The following TGFA variants were observed in gnomAD, a reference collection of about 807,000 sequenced individuals.
The protein encoded by TGFA is protransforming growth factor alpha.
In TGFA, 12 loss-of-function variants were observed where a neutral mutation model predicts 21.7. That is an observed-to-expected ratio of 0.55 (90% confidence interval 0.35 to 0.90). TGFA has a LOEUF of 0.90. TGFA is among the 40% of genes least tolerant of loss of function. The probability of loss-of-function intolerance (pLI) is 0.01; values close to 1 mark genes in which losing one functional copy is unlikely to be tolerated. For missense variants in TGFA, 178 were observed against 210.8 expected (o/e 0.84, Z 0.96); for synonymous variants, 79 against 88.1 (o/e 0.90, Z 0.58).
chr2:70,550,605 G>C (rs1052800506), intron 1 of TGFA, among the ~76,000 whole-genome samples: 1 of 152,040 alleles, frequency 6.6e-6, no homozygotes, highest in African/African-American at 2.4e-5. Flanking sequence ...TGGATCACGC[G>C]GTCAGGAGAT....
intron 3 of TGFA, among the ~76,000 whole-genome samples, chr2:70,461,863 T>C (rs1670413709): frequency 6.6e-6 from 1 of 152,250 alleles, no homozygotes; most frequent in Admixed American, 6.5e-5. Flanking sequence ...AGCATAAATA[T>C]GTAAGGCTAG....
intron 4 of TGFA, among the ~76,000 whole-genome samples, chr2:70,455,275 G>T (rs148836948): frequency 2.4e-4 from 36 of 152,336 alleles, no homozygotes; most frequent in Non-Finnish European, 4.3e-4. Flanking sequence ...GCTCTAACGG[G>T]TGCCTCACTG....
At chr2:70,483,688 T>C (rs780116070) in intron 2 of TGFA, among the ~76,000 whole-genome samples, 7 of 152,236 alleles carry the variant, frequency 4.6e-5, no homozygotes, top group Non-Finnish European at 1.0e-4. Context: ...CTCCCAAAGA[T>C]AGCCTCAGAA....
chr2:70,536,998 C>CTT (rs35098749), intron 1 of TGFA, among the ~76,000 whole-genome samples: 16,095 of 136,690 alleles, frequency 0.12, 1,209 homozygotes, highest in South Asian at 0.28. Context: ...TTTTCTTTTT[C>CTT]TTTTTTTTTT....
chr2:70,537,435 A>C (rs962642856), intron 1 of TGFA, among the ~76,000 whole-genome samples: 1 of 152,246 alleles, frequency 6.6e-6, no homozygotes, highest in Non-Finnish European at 1.5e-5. Context: ...TTGTAAGCAG[A>C]AATAGGCCAA....
intron 2 of TGFA, among the ~76,000 whole-genome samples, chr2:70,505,734 A>G (rs534427915): frequency 1.6e-4 from 24 of 152,320 alleles, no homozygotes; most frequent in African/African-American, 4.6e-4. Context: ...CATTGTGAAT[A>G]GAACTGAGGC....
chr2:70,470,698 T>A (rs1318049264), intron 2 of TGFA, among the ~76,000 whole-genome samples: 2 of 152,194 alleles, frequency 1.3e-5, no homozygotes, highest in Non-Finnish European at 2.9e-5. Context: ...GTGGTCTCGC[T>A]CTGTGTATTC....
At chr2:70,514,796 A>C in intron 2 of TGFA, 63 bp downstream of exon 2, 7 of 1,566,956 alleles carry the variant, frequency 4.5e-6, no homozygotes, top group Non-Finnish European at 6.1e-6. Flanking sequence ...TTGAGGAGCC[A>C]CACAGCAGCA....
intron 2 of TGFA, among the ~76,000 whole-genome samples, chr2:70,480,127 T>G (rs1671068422): frequency 6.6e-6 from 1 of 152,226 alleles, no homozygotes; most frequent in Admixed American, 6.5e-5. Flanking sequence ...GAAATCTATT[T>G]GGTAGAAGCA....
chr2:70,526,430 CT>C (rs782726989), intron 1 of TGFA, among the ~76,000 whole-genome samples: 3 of 152,216 alleles, frequency 2.0e-5, no homozygotes, highest in African/African-American at 7.2e-5. Context: ...CCTAATGTAT[CT>C]CCCTCAGGTC....
At chr2:70,536,075 T>C (rs147786483) in intron 1 of TGFA, among the ~76,000 whole-genome samples, 377 of 152,330 alleles carry the variant, frequency 2.5e-3, no homozygotes, top group East Asian at 0.014. Context: ...AACTTCTCAT[T>C]CACAAGTACT....
intron 2 of TGFA, among the ~76,000 whole-genome samples, chr2:70,486,907 A>C (rs1028055816): frequency 1.3e-4 from 19 of 151,946 alleles, no homozygotes; most frequent in African/African-American, 4.6e-4. Flanking sequence ...GGGACTACAG[A>C]AGCCCGCCAC....
chr2:70,508,061 A>G (rs1671982637), intron 2 of TGFA, among the ~76,000 whole-genome samples: 1 of 152,244 alleles, frequency 6.6e-6, no homozygotes, highest in Non-Finnish European at 1.5e-5. Flanking sequence ...ATACCTGTGC[A>G]TAAGAAAAGA....
intron 1 of TGFA, among the ~76,000 whole-genome samples, chr2:70,540,190 G>A (rs762387500): frequency 2.0e-5 from 3 of 152,212 alleles, no homozygotes; most frequent in African/African-American, 7.2e-5. Flanking sequence ...TAGGTAGGAG[G>A]GAAGTCAAGG....
intron 2 of TGFA, among the ~76,000 whole-genome samples, chr2:70,473,388 G>A (rs181497435): frequency 6.7e-4 from 102 of 151,954 alleles, no homozygotes; most frequent in African/African-American, 2.3e-3. Flanking sequence ...GCAGGTGGGG[G>A]GAGGTGAGAA....
chr2:70,464,704 G>A (rs1346953857), intron 3 of TGFA, among the ~76,000 whole-genome samples: 1 of 152,170 alleles, frequency 6.6e-6, no homozygotes, highest in Non-Finnish European at 1.5e-5. Flanking sequence ...CTTTAAATAT[G>A]TCTTTCTGAA....
intron 1 of TGFA, among the ~76,000 whole-genome samples, chr2:70,545,588 A>G (rs10489985): frequency 0.17 from 25,541 of 152,188 alleles, 2,744 homozygotes; most frequent in East Asian, 0.36. Context: ...ATCTCACAAC[A>G]TACCCTAGAA....
At chr2:70,553,505 A>T (rs1673580790) in intron 1 of TGFA, 2 of 1,382,102 alleles carry the variant, frequency 1.4e-6, no homozygotes, top group African/African-American at 1.5e-5. Context: ...CGCACGGCCC[A>T]GGCAGCCACT....
At position 70,455,925 on chromosome 2, in the gene TGFA, T is replaced by C. The variant is rs115584782; in HGVS notation, c.365+414A>G. Reference sequence around the variant, plus strand: ...GGTCATCAGCCTGTAACAGCAACAATGGCCCTCGACATGTATTTGCAAAGT... The same window carrying C: ...GGTCATCAGCCTGTAACAGCAACAACGGCCCTCGACATGTATTTGCAAAGT... On this transcript the variant is annotated intron_variant, in intron 4 of 5. Transcript: ENST00000295400. 3.0e-3 allele frequency among the ~76,000 whole-genome samples: 450 copies of C among 152,288 alleles called. 1 individual carries two copies. The highest frequency in any genetic ancestry group is 8.9e-3 in the African/African-American group (370 of 41,564).
Sources: gnomAD v4.1 joint callset for allele counts (sites outside exome capture counted in the v4.1 genomes callset) on GRCh38, gnomAD v4.1.1 for gene constraint, MANE v1.5 for transcripts, NCBI Gene and HGNC (gene_info 2026-07-23, HGNC 2026-07-21) for gene names.